TMEM132D: variants seen among roughly 807,000 people sequenced by gnomAD.
TMEM132D encodes transmembrane protein 132D, also known as mature OL transmembrane protein.
In TMEM132D, 21 loss-of-function variants were observed where a neutral mutation model predicts 62.3. The observed-to-expected ratio is 0.34, with a 90% confidence interval of 0.24 to 0.49. TMEM132D has a LOEUF of 0.49. Among genes scored for constraint, TMEM132D ranks in the 20% least tolerant of loss-of-function variants. TMEM132D has a pLI of 0.99. For synonymous variants in TMEM132D, 621 were observed against 575.6 expected, an observed-to-expected ratio of 1.08 and a Z score of -1.13; for missense variants, 1,346 against 1,402.8, an observed-to-expected ratio of 0.96 and a Z score of 0.65.
chr12:129,425,535 C>G (rs1360607317), intron 3 of TMEM132D, among the ~76,000 whole-genome samples: 1 of 151,838 alleles, frequency 6.6e-6, no homozygotes, highest in Non-Finnish European at 1.5e-5. Flanking sequence ...ACACAATAAA[C>G]ACGCATATGA....
Position 129,074,445 on chromosome 12 carries a change from G to A in TMEM132D, c.2730C>T (p.Ser910=), listed in dbSNP as rs774802246. ...EMDGNDLMQA[S]KGLSDLEIGM... ...CAATTTCTAAGTCGCTCAGCCCTTTGGATGCCTGCATAAGGTCATTCCCAT... is the reference window on the plus strand; with the variant it reads ...CAATTTCTAAGTCGCTCAGCCCTTTAGATGCCTGCATAAGGTCATTCCCAT... The change falls in exon 9 of 9, where the codon TCC becomes TCT. Residue 910 remains serine, a synonymous_variant. Transcript: ENST00000422113. 1.2e-6 allele frequency: 2 copies of A among 1,614,082 alleles called. No homozygotes were observed. Among genetic ancestry groups the A allele is most frequent in the East Asian group, 4.5e-5 (2 of 44,870 alleles).
At chr12:129,266,476 G>A (rs979973579) in intron 4 of TMEM132D, among the ~76,000 whole-genome samples, 29 of 138,958 alleles carry the variant, frequency 2.1e-4, no homozygotes, top group South Asian at 1.6e-3. Flanking sequence ...CCTCCTCTTC[G>A]CTCCTTCTCT....
At chr12:129,854,080 G>T (rs2137358899) in intron 1 of TMEM132D, among the ~76,000 whole-genome samples, 1 of 152,270 alleles carries the variant, frequency 6.6e-6, no homozygotes, top group East Asian at 1.9e-4. Context: ...GCCCATGGCA[G>T]TCCTCGTCAC....
chr12:129,142,886 C>T (rs1197371991), intron 5 of TMEM132D, among the ~76,000 whole-genome samples: 2 of 152,136 alleles, frequency 1.3e-5, no homozygotes, highest in African/African-American at 2.4e-5. Flanking sequence ...CAGATGGAGT[C>T]CCATTGGAAC....
intron 5 of TMEM132D, among the ~76,000 whole-genome samples, chr12:129,086,917 G>A (rs1189254292): frequency 2.0e-5 from 3 of 152,012 alleles, no homozygotes; most frequent in South Asian, 2.1e-4. Context: ...AGTTCTTTGA[G>A]AATTCTCCAT....
chr12:129,761,891 G>A (rs112032729), intron 1 of TMEM132D, among the ~76,000 whole-genome samples: 3 of 152,238 alleles, frequency 2.0e-5, no homozygotes, highest in African/African-American at 7.2e-5. Context: ...GCAGCAACTG[G>A]CACGCAAGTA....
chr12:129,648,978 C>T lies in TMEM132D; in HGVS notation c.968+50832G>A, dbSNP rs984135550. ...AAGCACACTTCAGAGTTCCAACTGA[C>T]TCCGGAGGGAAGGAAAACATCTCCA... On this transcript the variant is annotated intron_variant, in intron 2 of 8. Coordinates refer to ENST00000422113, the MANE Select transcript of TMEM132D (RefSeq NM_133448.3). Among the ~76,000 whole-genome samples the T allele has an allele frequency of 2.6e-5, 4 of 152,188 alleles. No homozygotes were observed. The South Asian group carries it at 8.3e-4, about 31-fold the overall frequency.
chr12:129,189,858 G>A (rs972641372), intron 5 of TMEM132D, among the ~76,000 whole-genome samples: 2 of 152,168 alleles, frequency 1.3e-5, no homozygotes, highest in African/African-American at 4.8e-5. Context: ...AGGGGAAAGT[G>A]AGGTTGCTGA....
intron 3 of TMEM132D, 39 bp downstream of exon 3, chr12:129,531,020 C>A: frequency 6.7e-7 from 1 of 1,493,620 alleles, no homozygotes. Context: ...GCCACATTTG[C>A]AGCTGATCTG....
At chr12:129,407,839 G>A (rs1402884764) in intron 3 of TMEM132D, among the ~76,000 whole-genome samples, 3 of 150,774 alleles carry the variant, frequency 2.0e-5, no homozygotes, top group Non-Finnish European at 3.0e-5. Context: ...GAGGCGAGCC[G>A]GGATCGCACC....
rs1876626229 is a variant in TMEM132D at position 129,137,736 on chromosome 12, T to C, written c.1444-53034A>G. On this transcript the variant is annotated intron_variant, in intron 5 of 8. Transcript: ENST00000422113. ...GAATGTAGATCTGTGGCTGGAGGCA[T>C]GATGGCTATCTTGCAACCATGAGGC... Among the ~76,000 whole-genome samples, 4 of 152,102 alleles carry C rather than the reference T, an allele frequency of 2.6e-5. No individual in the cohort carries two copies. The South Asian group carries it at 8.3e-4, about 32-fold the overall frequency.
At chr12:129,565,738 T>C (rs1211015949) in intron 2 of TMEM132D, among the ~76,000 whole-genome samples, 2 of 152,220 alleles carry the variant, frequency 1.3e-5, no homozygotes, top group Non-Finnish European at 2.9e-5. Context: ...GTCAGCCCGC[T>C]CCTTTCTTGG....
chr12:129,341,511 T>G (rs1302425336), intron 3 of TMEM132D, among the ~76,000 whole-genome samples: 1 of 152,204 alleles, frequency 6.6e-6, no homozygotes, highest in African/African-American at 2.4e-5. Context: ...GACTCCATCC[T>G]GAATGAGGGC....
chr12:129,328,022 G>A (rs1258487047), intron 4 of TMEM132D, among the ~76,000 whole-genome samples: 3 of 152,090 alleles, frequency 2.0e-5, no homozygotes, highest in Non-Finnish European at 2.9e-5. Flanking sequence ...CCCCTGCTTT[G>A]GGCTTCGGCA....
intron 3 of TMEM132D, among the ~76,000 whole-genome samples, chr12:129,503,559 A>G (rs760839445): frequency 3.3e-5 from 5 of 152,234 alleles, no homozygotes; most frequent in African/African-American, 4.8e-5. Context: ...TTTTATTCAC[A>G]TATTTTAAAT....
At chr12:129,405,815 T>G (rs1051252747) in intron 3 of TMEM132D, among the ~76,000 whole-genome samples, 30 of 152,144 alleles carry the variant, frequency 2.0e-4, no homozygotes, top group African/African-American at 5.6e-4. Flanking sequence ...TACTATAATA[T>G]TTAGGTGACT....
intron 7 of TMEM132D, among the ~76,000 whole-genome samples, chr12:129,081,022 C>T (rs1309101118): frequency 2.6e-5 from 4 of 152,080 alleles, no homozygotes; most frequent in Admixed American, 6.5e-5. Flanking sequence ...GGCTGTGACT[C>T]GGTAGGGGCG....
intron 3 of TMEM132D, among the ~76,000 whole-genome samples, chr12:129,346,914 T>C (rs1473053661): frequency 6.6e-6 from 1 of 151,982 alleles, no homozygotes; most frequent in Non-Finnish European, 1.5e-5. Context: ...ACACTAATAA[T>C]AGACATGGAG....
At chr12:129,454,259 C>A (rs1180484260) in intron 3 of TMEM132D, among the ~76,000 whole-genome samples, 1 of 152,142 alleles carries the variant, frequency 6.6e-6, no homozygotes, top group Non-Finnish European at 1.5e-5. Context: ...AAAGATTAGA[C>A]TTCAGATTTA....
Sources: gnomAD v4.1 joint callset for allele counts (sites outside exome capture counted in the v4.1 genomes callset) on GRCh38, gnomAD v4.1.1 for gene constraint, MANE v1.5 for transcripts, NCBI Gene and HGNC (gene_info 2026-07-23, HGNC 2026-07-21) for gene names.